The following HECTD2 variants were observed in gnomAD, a reference collection of about 807,000 sequenced individuals.
The protein encoded by HECTD2 is HECT domain E3 ubiquitin protein ligase 2, also known as probable E3 ubiquitin-protein ligase HECTD2.
A neutral mutation model predicts 103.2 loss-of-function variants in HECTD2; 35 were observed. That is an observed-to-expected ratio of 0.34 (90% confidence interval 0.26 to 0.45). The LOEUF is 0.45. HECTD2 is among the 20% of genes least tolerant of loss of function. The pLI, the probability that HECTD2 is intolerant of heterozygous loss-of-function variation, is 1.00. For missense variants in HECTD2, 596 were observed against 937.4 expected (o/e 0.64, Z 4.76); for synonymous variants, 281 against 329.9 (o/e 0.85, Z 1.61).
rs1402545979 is a variant in HECTD2 at position 91,512,534 on chromosome 10, T to C, written c.*150T>C. 6.8e-6 allele frequency: 5 copies of C among 731,784 alleles called. No homozygotes were observed. Among genetic ancestry groups the C allele is most frequent in the Non-Finnish European group, 8.5e-6 (4 of 469,718 alleles). The allele number at this position is 731,784 out of a possible 1,614,324, so 45.3% of individuals were successfully genotyped here. ...TTTTTAAAAAATCAAATATGAAGTATGTTCAGCAAAGGCATAATTTTCTAA... is the reference window on the plus strand; with the variant it reads ...TTTTTAAAAAATCAAATATGAAGTACGTTCAGCAAAGGCATAATTTTCTAA... On this transcript the variant is annotated 3_prime_UTR_variant, in exon 21 of 21. Coordinates refer to ENST00000298068, the MANE Select transcript of HECTD2 (RefSeq NM_182765.6).
chr10:91,470,137 C>G (rs936628104), intron 5 of HECTD2, among the ~76,000 whole-genome samples: 2 of 152,108 alleles, frequency 1.3e-5, no homozygotes, highest in Non-Finnish European at 2.9e-5. Flanking sequence ...CTTCAACACC[C>G]CACTGACAAT....
chr10:91,498,758 T>C (rs1279387559), intron 16 of HECTD2, 114 bp from the exon 17 acceptor site: 3 of 623,964 alleles, frequency 4.8e-6, no homozygotes, highest in Non-Finnish European at 8.6e-6. Context: ...TTTTATAGTT[T>C]ATGTGTTTAG....
At chr10:91,501,151 G>C in intron 19 of HECTD2, 40 bp from the exon 20 acceptor site, 2 of 1,569,036 alleles carry the variant, frequency 1.3e-6, no homozygotes, top group Non-Finnish European at 1.7e-6. Context: ...TAGGATTTTT[G>C]TCAAGACATT....
At chr10:91,418,610 A>T (rs938820134) in intron 1 of HECTD2, among the ~76,000 whole-genome samples, 1 of 152,182 alleles carries the variant, frequency 6.6e-6, no homozygotes, top group African/African-American at 2.4e-5. Flanking sequence ...TAGTAGAAGG[A>T]TGTAGAACAA....
At chr10:91,444,456 T>A (rs2133123613) in intron 2 of HECTD2, among the ~76,000 whole-genome samples, 1 of 152,294 alleles carries the variant, frequency 6.6e-6, no homozygotes, top group Admixed American at 6.5e-5. Flanking sequence ...AAAAGGTAAC[T>A]TAAACTGAAG....
chr10:91,458,456 G>A (rs1457938312), intron 2 of HECTD2, among the ~76,000 whole-genome samples: 5 of 151,900 alleles, frequency 3.3e-5, no homozygotes, highest in African/African-American at 7.2e-5. Flanking sequence ...CTGGAAAGGC[G>A]GAAGAACTGG....
At chr10:91,482,599 A>G (rs1038569994) in intron 7 of HECTD2, among the ~76,000 whole-genome samples, 3 of 151,932 alleles carry the variant, frequency 2.0e-5, no homozygotes, top group African/African-American at 7.2e-5. Context: ...CTTTTTATGA[A>G]GGTGCTTTAT....
intron 2 of HECTD2, among the ~76,000 whole-genome samples, chr10:91,450,206 T>A (rs1844744690): frequency 6.6e-6 from 1 of 152,020 alleles, no homozygotes; most frequent in South Asian, 2.1e-4. Flanking sequence ...CATAGAGACC[T>A]CAGAAATAAT....
chr10:91,416,037 CT>C (rs11333012), intron 1 of HECTD2, among the ~76,000 whole-genome samples: 117,471 of 136,162 alleles, frequency 0.86, 49,558 homozygotes, highest in South Asian at 0.95. Flanking sequence ...TCTTTGTCAA[CT>C]TTTTTTTTTA....
chr10:91,490,627 C>A (rs1417321619), intron 11 of HECTD2, among the ~76,000 whole-genome samples: 2 of 151,852 alleles, frequency 1.3e-5, no homozygotes, highest in Non-Finnish European at 2.9e-5. Context: ...CGCGGTGGCT[C>A]ACGCCTGTAA....
At chr10:91,453,183 G>C (rs1844912326) in intron 2 of HECTD2, among the ~76,000 whole-genome samples, 1 of 152,172 alleles carries the variant, frequency 6.6e-6, no homozygotes, top group Admixed American at 6.5e-5. Context: ...TGTAATCCCA[G>C]TGTTTTGGGA....
At chr10:91,488,707 CAGA>C (rs1326480343) in intron 11 of HECTD2, 2 of 152,014 alleles carry the variant, frequency 1.3e-5, no homozygotes, top group Non-Finnish European at 2.9e-5. Flanking sequence ...ATTCAGTTCC[CAGA>C]AGGTGAGTAT....
At chr10:91,461,233 G>A (rs765806337) in intron 3 of HECTD2, 21 bp from the exon 4 acceptor site, 8 of 1,079,540 alleles carry the variant, frequency 7.4e-6, no homozygotes, top group Non-Finnish European at 1.1e-5. Flanking sequence ...TGTATATACG[G>A]TTAATGTGTT....
At chr10:91,480,574 A>G (rs1219643452) in intron 6 of HECTD2, among the ~76,000 whole-genome samples, 1 of 152,064 alleles carries the variant, frequency 6.6e-6, no homozygotes, top group Non-Finnish European at 1.5e-5. Context: ...TCTTGGCCAA[A>G]TCTCATACTA....
At chr10:91,508,384 G>GCTAAT (rs1847280196) in intron 20 of HECTD2, among the ~76,000 whole-genome samples, 1 of 150,228 alleles carries the variant, frequency 6.7e-6, no homozygotes, top group African/African-American at 2.5e-5. Context: ...CTGACAAAGG[G>GCTAAT]CTAATATCCA....
At chr10:91,433,808 A>G (rs564470121) in intron 2 of HECTD2, among the ~76,000 whole-genome samples, 14 of 152,092 alleles carry the variant, frequency 9.2e-5, no homozygotes, top group African/African-American at 3.4e-4. Flanking sequence ...CATGTAGTCT[A>G]TACTTAGTTA....
At chr10:91,432,200 T>G (rs1456440610) in intron 2 of HECTD2, among the ~76,000 whole-genome samples, 2 of 152,012 alleles carry the variant, frequency 1.3e-5, no homozygotes, top group Non-Finnish European at 2.9e-5. Flanking sequence ...CCAATAAGAT[T>G]GTTTTTTCAA....
At chr10:91,496,481 C>A in intron 15 of HECTD2, 109 bp downstream of exon 15, 1 of 770,762 alleles carries the variant, frequency 1.3e-6, no homozygotes, top group Non-Finnish European at 2.0e-6. Context: ...TGGTTTCCTT[C>A]TACCTTTATA....
chr10:91,491,616 A>G (rs1032973732), intron 12 of HECTD2, among the ~76,000 whole-genome samples: 2 of 152,216 alleles, frequency 1.3e-5, no homozygotes, highest in African/African-American at 4.8e-5. Context: ...CCTAGATTCC[A>G]GACCCACCTT....
Sources: gnomAD v4.1 joint callset for allele counts (sites outside exome capture counted in the v4.1 genomes callset) on GRCh38, gnomAD v4.1.1 for gene constraint, MANE v1.5 for transcripts, NCBI Gene and HGNC (gene_info 2026-07-23, HGNC 2026-07-21) for gene names.